EDNRB: variants seen among roughly 807,000 people sequenced by gnomAD.
The protein encoded by EDNRB is Hirschsprung disease 2.
A neutral mutation model predicts 46.4 loss-of-function variants in EDNRB; 18 were observed. The ratio of observed to expected loss-of-function variants is 0.39; its 90% CI spans 0.27 to 0.57. The LOEUF (loss-of-function observed/expected upper bound fraction) is 0.57. Among genes scored for constraint, EDNRB ranks in the 20% least tolerant of loss-of-function variants. The pLI is 0.61. For missense variants in EDNRB, 434 were observed against 537.5 expected, an observed-to-expected ratio of 0.81 and a Z score of 1.90; for synonymous variants, 213 against 204.9, an observed-to-expected ratio of 1.04 and a Z score of -0.34.
intron 1 of EDNRB, among the ~76,000 whole-genome samples, chr13:77,911,293 T>C (rs959507296): frequency 3.9e-5 from 6 of 151,992 alleles, no homozygotes; most frequent in Non-Finnish European, 7.4e-5. Context: ...ACAAACCTTA[T>C]TAAGTAACTT....
At chr13:77,960,219 C>G (rs545519932) in intron 1 of EDNRB, among the ~76,000 whole-genome samples, 1 of 152,190 alleles carries the variant, frequency 6.6e-6, no homozygotes, top group Non-Finnish European at 1.5e-5. Context: ...AAGAGCAACT[C>G]CAAGACACAT....
upstream of EDNRB, among the ~76,000 whole-genome samples, chr13:77,924,457 G>C (rs139007152): frequency 6.6e-6 from 1 of 152,306 alleles, no homozygotes; most frequent in African/African-American, 2.4e-5. Context: ...CAGGTGCCAA[G>C]TACCCTGCAG....
Position 77,897,377 on chromosome 13 carries a change from T to C in EDNRB, c.*823A>G. Reference sequence around the variant, plus strand: ...CTTCACAGGGTATGTGAATGACAGATTCAAAAAAGTCTTTTGGGATAGCCT... The same window carrying C: ...CTTCACAGGGTATGTGAATGACAGACTCAAAAAAGTCTTTTGGGATAGCCT... On this transcript the variant is annotated 3_prime_UTR_variant, in exon 7 of 7. Coordinates refer to ENST00000646607, the MANE Select transcript of EDNRB (RefSeq NM_001122659.3). 2.0e-6 allele frequency: 2 copies of C among 985,288 alleles called. No homozygotes were observed. Among genetic ancestry groups the C allele is most frequent in the Non-Finnish European group, 2.4e-6 (2 of 829,840 alleles). The allele number at this position is 985,288 out of a possible 1,614,324, so 61.0% of individuals were successfully genotyped here.
chr13:77,945,225 A>G (rs1172457056), intron 1 of EDNRB, among the ~76,000 whole-genome samples: 1 of 152,208 alleles, frequency 6.6e-6, no homozygotes, highest in Non-Finnish European at 1.5e-5. Context: ...TTGTGAAAAT[A>G]TACAGAACTT....
At chr13:77,911,986 T>C (rs570274475) in intron 1 of EDNRB, among the ~76,000 whole-genome samples, 1 of 152,244 alleles carries the variant, frequency 6.6e-6, no homozygotes, top group East Asian at 1.9e-4. Context: ...TAATCATTTA[T>C]TAGCATTTGG....
chr13:77,959,452 A>C (rs1881338542), intron 1 of EDNRB, among the ~76,000 whole-genome samples: 1 of 152,356 alleles, frequency 6.6e-6, no homozygotes, highest in Non-Finnish European at 1.5e-5. Flanking sequence ...GACTTCCAGC[A>C]AACTCCAACA....
chr13:77,928,439 A>G (rs1278594623), intron 1 of EDNRB, among the ~76,000 whole-genome samples: 1 of 152,030 alleles, frequency 6.6e-6, no homozygotes, highest in Non-Finnish European at 1.5e-5. Flanking sequence ...TTTTGTACAT[A>G]TTTTTTCATG....
chr13:77,939,640 A>G (rs188444409), intron 1 of EDNRB: 43 of 152,340 alleles, frequency 2.8e-4, no homozygotes, highest in African/African-American at 9.6e-4. Flanking sequence ...TAAGCACTCA[A>G]CGAAAATATC....
intron 1 of EDNRB, among the ~76,000 whole-genome samples, chr13:77,915,459 G>A (rs1004668253): frequency 1.3e-5 from 2 of 152,206 alleles, no homozygotes; most frequent in African/African-American, 4.8e-5. Flanking sequence ...CATGCTTTGT[G>A]CAGTGGGATG....
chr13:77,918,849 G>A, upstream of EDNRB: 1 of 1,299,100 alleles, frequency 7.7e-7, no homozygotes, highest in Non-Finnish European at 9.7e-7. This position sits in a 1 kb window ranked among gnomAD's most constrained non-coding sequence, Gnocchi z 4.5. Flanking sequence ...GTGGCCAGGA[G>A]GGGTAAATAA....
chr13:77,900,569 T>C lies in EDNRB; in HGVS notation c.1037A>G (p.Lys346Arg), dbSNP rs1162021124. The C allele has an allele frequency of 6.2e-7, 1 of 1,612,492 alleles. No individual in the cohort carries two copies. The highest frequency in any genetic ancestry group is 1.3e-5 in the African/African-American group (1 of 74,778). ...ATCATTCTGATTATAAAGAGTGAGC[T>C]TCAGAATCCTGCTGAGGTGAAGGGG... ...WLPLHLSRIL[K>R]LTLYNQNDPN... Residue 346 changes from lysine to arginine, a missense_variant, in exon 5 of 7, where the codon AAG (lysine) becomes AGG (arginine). Coordinates refer to ENST00000646607, the MANE Select transcript of EDNRB (RefSeq NM_001122659.3).
At chr13:77,910,023 C>T (rs937723595) in intron 1 of EDNRB, among the ~76,000 whole-genome samples, 2 of 152,094 alleles carry the variant, frequency 1.3e-5, no homozygotes, top group East Asian at 3.9e-4. Flanking sequence ...CCTACTCAAA[C>T]TTGTCAAGGC....
chr13:77,924,918 A>C (rs918671396), intron 1 of EDNRB, among the ~76,000 whole-genome samples: 3 of 152,138 alleles, frequency 2.0e-5, no homozygotes, highest in Non-Finnish European at 4.4e-5. Flanking sequence ...CTTGCCTTCC[A>C]CCATGATTGT....
Position 77,928,702 on chromosome 13 carries a change from A to G in EDNRB, c.-51-10078T>C, listed in dbSNP as rs536271192. On this transcript the variant is annotated intron_variant, in intron 1 of 7. Transcript: ENST00000646948. ...ATAACACAGCTTCTCTGAAGTCAAG[A>G]GAAGATCAAGTCTGAGAACAATGCT... 2.9e-4 allele frequency among the ~76,000 whole-genome samples: 44 copies of G among 152,302 alleles called. 1 individual carries two copies. The South Asian group carries it at 8.9e-3, about 31-fold the overall frequency.
At chr13:77,970,747 T>A (rs1036187568) in intron 1 of EDNRB, among the ~76,000 whole-genome samples, 1 of 149,766 alleles carries the variant, frequency 6.7e-6, no homozygotes. Context: ...ACATACCTTA[T>A]ATAGAATAAA....
intron 1 of EDNRB, among the ~76,000 whole-genome samples, chr13:77,958,589 T>C (rs956400135): frequency 6.6e-6 from 1 of 152,144 alleles, no homozygotes; most frequent in Non-Finnish European, 1.5e-5. Context: ...TTAGCCAGGA[T>C]GGTCTCGATC....
chr13:77,927,072 T>A (rs1235389808), intron 1 of EDNRB, among the ~76,000 whole-genome samples: 1 of 152,190 alleles, frequency 6.6e-6, no homozygotes, highest in Non-Finnish European at 1.5e-5. Context: ...GGGAGTACAA[T>A]TCAAGATGAG....
intron 1 of EDNRB, among the ~76,000 whole-genome samples, chr13:77,956,173 A>C (rs1310807818): frequency 2.1e-4 from 32 of 152,048 alleles, no homozygotes. Context: ...ATGTCTTTCC[A>C]TTTATTTGTG....
intron 1 of EDNRB, among the ~76,000 whole-genome samples, chr13:77,912,104 A>C (rs1374486012): frequency 6.6e-6 from 1 of 152,134 alleles, no homozygotes; most frequent in African/African-American, 2.4e-5. Context: ...TGGAGACAAC[A>C]GGGTCTTGGC....
Sources: gnomAD v4.1 joint callset for allele counts (sites outside exome capture counted in the v4.1 genomes callset) on GRCh38, gnomAD v4.1.1 for gene constraint, Gnocchi (gnomAD v3.1) non-coding constraint, MANE v1.5 for transcripts, NCBI Gene and HGNC (gene_info 2026-07-23, HGNC 2026-07-21) for gene names.